The following KCNIP4 variants were observed in gnomAD, a reference collection of about 807,000 sequenced individuals.
KCNIP4 encodes potassium voltage-gated channel interacting protein 4.
In KCNIP4, 12 loss-of-function variants were observed where a neutral mutation model predicts 34.0. The observed-to-expected ratio is 0.35, with a 90% CI of 0.23 to 0.57. KCNIP4 has a LOEUF of 0.57. KCNIP4 is among the 20% of genes least tolerant of loss of function. The pLI, the probability that KCNIP4 is intolerant of heterozygous loss-of-function variation, is 0.83. For missense variants in KCNIP4, 238 were observed against 311.7 expected (o/e 0.76, Z 1.78); for synonymous variants, 124 against 102.2 (o/e 1.21, Z -1.29).
intron 3 of KCNIP4, among the ~76,000 whole-genome samples, chr4:20,825,912 G>T (rs933005038): frequency 1.3e-5 from 2 of 152,126 alleles, no homozygotes; most frequent in African/African-American, 4.8e-5. Context: ...CAATAGTTTT[G>T]GGGTAGAAGG....
chr4:20,796,604 C>CT (rs34624781), intron 3 of KCNIP4, among the ~76,000 whole-genome samples: 1,922 of 140,668 alleles, frequency 0.014, 24 homozygotes, highest in Non-Finnish European at 0.017. Context: ...ATTTTTATTG[C>CT]TTTTTTTTTT....
At chr4:20,900,616 G>A (rs185741045) in intron 1 of KCNIP4, among the ~76,000 whole-genome samples, 1 of 152,286 alleles carries the variant, frequency 6.6e-6, no homozygotes, top group African/African-American at 2.4e-5. Context: ...AAACCTTTCT[G>A]TCCCTGGGAG....
At position 21,457,645 on chromosome 4, in the gene KCNIP4, C is replaced by T. The variant is rs904624934; in HGVS notation, c.61+490926G>A. Among the ~76,000 whole-genome samples the T allele has an allele frequency of 3.9e-5, 6 of 151,974 alleles. No individual in the cohort carries two copies. In the East Asian group the frequency reaches 9.7e-4, roughly 25 times the overall value. On this transcript the variant is annotated intron_variant, in intron 1 of 8. Transcript: ENST00000382152. ...AAAATCACACTCCCTGGACAGAATC[C>T]CTCTTTCCCGCAGATCTATCTCTTC...
At chr4:21,205,593 T>C (rs1471557884) in intron 1 of KCNIP4, among the ~76,000 whole-genome samples, 1 of 152,224 alleles carries the variant, frequency 6.6e-6, no homozygotes, top group East Asian at 1.9e-4. Context: ...CAGGACTATA[T>C]TTAACAAATA....
At chr4:21,698,614 G>A (rs935730794) in intron 1 of KCNIP4, among the ~76,000 whole-genome samples, 3 of 151,952 alleles carry the variant, frequency 2.0e-5, no homozygotes, top group Admixed American at 1.3e-4. Context: ...GGCAGTTTTC[G>A]GGATTTGTCT....
intron 1 of KCNIP4, among the ~76,000 whole-genome samples, chr4:21,920,144 T>G (rs1265678065): frequency 1.3e-5 from 2 of 152,154 alleles, no homozygotes; most frequent in Non-Finnish European, 2.9e-5. Flanking sequence ...GATGCTGAAT[T>G]TGTGTAGTAT....
chr4:21,105,260 T>C (rs1748406292), intron 1 of KCNIP4, among the ~76,000 whole-genome samples: 1 of 151,530 alleles, frequency 6.6e-6, no homozygotes, highest in Admixed American at 6.6e-5. Flanking sequence ...TTTGTATCCT[T>C]TTTTATTTCA....
At chr4:21,529,978 A>G (rs1007913815) in intron 1 of KCNIP4, among the ~76,000 whole-genome samples, 5 of 152,194 alleles carry the variant, frequency 3.3e-5, no homozygotes, top group African/African-American at 1.2e-4. Flanking sequence ...TCATTCCACT[A>G]TGTGGTAAAT....
intron 3 of KCNIP4, among the ~76,000 whole-genome samples, chr4:20,823,775 A>G (rs1717394728): frequency 1.3e-5 from 2 of 152,250 alleles, no homozygotes; most frequent in Non-Finnish European, 2.9e-5. Context: ...ACAAAAATAT[A>G]TCACTTTGAT....
At chr4:20,940,607 A>G (rs1286990998) in intron 1 of KCNIP4, among the ~76,000 whole-genome samples, 5 of 152,170 alleles carry the variant, frequency 3.3e-5, no homozygotes. Flanking sequence ...GTAATTTCCT[A>G]TAAGGGATAT....
intron 1 of KCNIP4, among the ~76,000 whole-genome samples, chr4:21,192,073 G>C (rs556346379): frequency 6.6e-6 from 1 of 152,130 alleles, no homozygotes; most frequent in Non-Finnish European, 1.5e-5. Context: ...TAACTTGTTT[G>C]AGACACTTAC....
chr4:21,356,811 A>T (rs1354447025), intron 1 of KCNIP4, among the ~76,000 whole-genome samples: 2 of 152,202 alleles, frequency 1.3e-5, no homozygotes, highest in African/African-American at 4.8e-5. Flanking sequence ...AATTGGAAAA[A>T]ACTACTTTAA....
chr4:21,862,662 T>C (rs140259045), intron 1 of KCNIP4, among the ~76,000 whole-genome samples: 32 of 152,290 alleles, frequency 2.1e-4, no homozygotes, highest in African/African-American at 7.2e-4. Context: ...AATAAATATT[T>C]GTTAAATGAA....
intron 2 of KCNIP4, among the ~76,000 whole-genome samples, chr4:20,875,718 A>G (rs1417902646): frequency 6.6e-6 from 1 of 152,170 alleles, no homozygotes; most frequent in East Asian, 1.9e-4. Flanking sequence ...TCAGAGGTTA[A>G]ACATTAAAAA....
At chr4:21,804,640 A>T (rs1170573877) in intron 1 of KCNIP4, among the ~76,000 whole-genome samples, 3 of 152,182 alleles carry the variant, frequency 2.0e-5, no homozygotes, top group African/African-American at 7.2e-5. Context: ...ACTTTAAACC[A>T]CTGCCACTTT....
chr4:21,303,596 C>T (rs1412665186), intron 1 of KCNIP4, among the ~76,000 whole-genome samples: 1 of 152,126 alleles, frequency 6.6e-6, no homozygotes, highest in Non-Finnish European at 1.5e-5. Flanking sequence ...AGTGTTTCTC[C>T]TAGTTTTAAC....
At chr4:21,082,366 C>T (rs555714542) in intron 1 of KCNIP4, among the ~76,000 whole-genome samples, 5 of 151,618 alleles carry the variant, frequency 3.3e-5, no homozygotes, top group Non-Finnish European at 7.4e-5. Flanking sequence ...CAAGAACACC[C>T]CAGAGAATTT....
Position 20,729,486 on chromosome 4 carries a change from T to G in KCNIP4, c.*596A>C, listed in dbSNP as rs1025104975. 8.4e-6 allele frequency: 1 copy of G among 118,550 alleles called. No individual in the cohort carries two copies. The highest frequency in any genetic ancestry group is 1.8e-5 in the Non-Finnish European group (1 of 56,824). The allele number at this position is 118,550 out of a possible 1,614,324, so 7.3% of individuals were successfully genotyped here. On this transcript the variant is annotated 3_prime_UTR_variant, in exon 9 of 9. Transcript: ENST00000382152. ...TGATAATAAACTAATTTTTAAATGT[T>G]TAATAATTTTTAAATGTTTAAAAAT...
intron 1 of KCNIP4, among the ~76,000 whole-genome samples, chr4:21,350,632 G>A (rs1379141402): frequency 6.6e-6 from 1 of 152,168 alleles, no homozygotes; most frequent in Non-Finnish European, 1.5e-5. Flanking sequence ...ATCCCCAGTG[G>A]CCAGGAGGAC....
Sources: gnomAD v4.1 joint callset for allele counts (sites outside exome capture counted in the v4.1 genomes callset) on GRCh38, gnomAD v4.1.1 for gene constraint, MANE v1.5 for transcripts, NCBI Gene and HGNC (gene_info 2026-07-23, HGNC 2026-07-21) for gene names.